The following ARHGAP18 variants were observed in gnomAD, a reference collection of about 807,000 sequenced individuals.
ARHGAP18 encodes the protein Rho GTPase activating protein 18, also known as rho GTPase-activating protein 18.
In ARHGAP18, 67 loss-of-function variants were observed where a neutral mutation model predicts 86.2. The ratio of observed to expected loss-of-function variants is 0.78; its 90% CI spans 0.64 to 0.95. The LOEUF (loss-of-function observed/expected upper bound fraction) is 0.95, where lower values mean the gene tolerates loss of function less well. ARHGAP18 is among the 40% of genes least tolerant of loss of function. ARHGAP18 has a pLI of 0.00. For synonymous variants in ARHGAP18, 283 were observed against 280.4 expected (o/e 1.01, Z -0.09); for missense variants, 691 against 780.4 (o/e 0.89, Z 1.37).
chr6:129,696,742 C>A (rs899802436), intron 1 of ARHGAP18, among the ~76,000 whole-genome samples: 1 of 152,064 alleles, frequency 6.6e-6, no homozygotes, highest in East Asian at 1.9e-4. Flanking sequence ...ATAGGATACG[C>A]ATTTATATAC....
intron 1 of ARHGAP18, among the ~76,000 whole-genome samples, chr6:129,694,900 C>T (rs185573824): frequency 1.3e-5 from 2 of 152,214 alleles, no homozygotes; most frequent in African/African-American, 4.8e-5. Flanking sequence ...AATACATTCA[C>T]CAAGGTGGAG....
chr6:129,610,641 C>A (rs997377707), intron 8 of ARHGAP18, among the ~76,000 whole-genome samples: 2 of 149,948 alleles, frequency 1.3e-5, no homozygotes, highest in African/African-American at 2.5e-5. Flanking sequence ...TTTTTTTTTT[C>A]TTTTGAGACG....
intron 7 of ARHGAP18, among the ~76,000 whole-genome samples, chr6:129,615,183 G>C (rs1789069265): frequency 6.6e-6 from 1 of 152,202 alleles, no homozygotes; most frequent in South Asian, 2.1e-4. Flanking sequence ...AATTGCAACT[G>C]CTACTGACAG....
chr6:129,641,678 G>A (rs942427634), intron 2 of ARHGAP18, 138 bp downstream of exon 2: 20 of 776,060 alleles, frequency 2.6e-5, no homozygotes, highest in Middle Eastern at 3.8e-4. Flanking sequence ...CCTCAAACAA[G>A]TATTTTTCAA....
rs375145286 is a variant in ARHGAP18 at position 129,638,368 on chromosome 6, C to T, written c.552+26G>A. 30 of 1,594,288 alleles carry T rather than the reference C, an allele frequency of 1.9e-5. No individual in the cohort carries two copies. The African/African-American group carries it at 3.5e-4, about 19-fold the overall frequency. ...TTAATTGTAAGCAATTATTCCTTTG[C>T]CTTAACATCAAAAAAGAAAACCTAC... On this transcript the variant is annotated intron_variant, in intron 3 of 14. Transcript: ENST00000368149.
At chr6:129,654,062 A>C (rs1379978111) in intron 1 of ARHGAP18, among the ~76,000 whole-genome samples, 3 of 151,914 alleles carry the variant, frequency 2.0e-5, no homozygotes, top group African/African-American at 2.4e-5. Flanking sequence ...ACACACACAC[A>C]CCTCACAAAA....
At chr6:129,703,602 A>G (rs1774753593) in intron 1 of ARHGAP18, among the ~76,000 whole-genome samples, 1 of 152,272 alleles carries the variant, frequency 6.6e-6, no homozygotes, top group Non-Finnish European at 1.5e-5. Flanking sequence ...TAATAGGCCC[A>G]CAAAAATCAC....
At chr6:129,615,418 G>A (rs561194812) in intron 7 of ARHGAP18, among the ~76,000 whole-genome samples, 20 of 152,296 alleles carry the variant, frequency 1.3e-4, no homozygotes, top group South Asian at 8.3e-4. Context: ...TAGGTAAGAC[G>A]GAATTAATTG....
chr6:129,590,447 T>G (rs1353296158), intron 12 of ARHGAP18, among the ~76,000 whole-genome samples: 1 of 152,170 alleles, frequency 6.6e-6, no homozygotes, highest in Non-Finnish European at 1.5e-5. Flanking sequence ...TTCACGTATA[T>G]GTGTAATGTT....
Position 129,641,852 on chromosome 6 carries a change from C to A in ARHGAP18, c.280G>T (p.Glu94Ter), listed in dbSNP as rs1260686659. The A allele has an allele frequency of 6.2e-7, 1 of 1,613,774 alleles. No homozygotes were observed. The highest frequency in any genetic ancestry group is 1.3e-5 in the African/African-American group (1 of 74,872). ...NIKKSSENSQ[E>*]DQEVVVVKEP... ...TTGACAACAACCACCTCTTGATCTT[C>A]TTGGCTGTTTTCACTAGATTTCTTG... is the stretch of plus-strand genomic sequence containing the variant. Residue 94 changes from glutamate to a stop codon, truncating the protein, a stop_gained, in exon 2 of 15, where the codon GAA becomes TAA. Transcript: ENST00000368149. LOFTEE classifies it high-confidence loss of function.
intron 1 of ARHGAP18, among the ~76,000 whole-genome samples, chr6:129,696,802 A>T (rs1584119982): frequency 6.6e-6 from 1 of 152,230 alleles, no homozygotes; most frequent in African/African-American, 2.4e-5. Flanking sequence ...TCTGTATAAG[A>T]GAAGCAAGCA....
intron 1 of ARHGAP18, among the ~76,000 whole-genome samples, chr6:129,644,510 T>C (rs536061617): frequency 6.6e-6 from 1 of 152,320 alleles, no homozygotes; most frequent in South Asian, 2.1e-4. Context: ...ATTTTTCGTA[T>C]TGCATGTCAA....
chr6:129,675,494 G>C (rs779977950), intron 1 of ARHGAP18, among the ~76,000 whole-genome samples: 1 of 152,126 alleles, frequency 6.6e-6, no homozygotes, highest in African/African-American at 2.4e-5. Flanking sequence ...CAAGGTGTGG[G>C]CGGGTGTTGG....
chr6:129,706,557 A>G (rs1273758158), intron 1 of ARHGAP18, among the ~76,000 whole-genome samples: 1 of 152,226 alleles, frequency 6.6e-6, no homozygotes, highest in South Asian at 2.1e-4. Context: ...TTAATTCCCT[A>G]CTATCTCAGC....
chr6:129,636,746 C>T (rs1031595705), intron 3 of ARHGAP18, among the ~76,000 whole-genome samples: 3 of 152,134 alleles, frequency 2.0e-5, no homozygotes, highest in East Asian at 3.9e-4. Flanking sequence ...GGCATGGTGG[C>T]GTGCGCCTGT....
chr6:129,670,921 C>T (rs776228994), intron 1 of ARHGAP18, among the ~76,000 whole-genome samples: 2 of 152,170 alleles, frequency 1.3e-5, no homozygotes, highest in Admixed American at 6.5e-5. Context: ...AATTCCCAAT[C>T]TGATGTCAGT....
At chr6:129,597,127 A>T (rs550964614) in intron 12 of ARHGAP18, among the ~76,000 whole-genome samples, 70 of 151,570 alleles carry the variant, frequency 4.6e-4, no homozygotes, top group South Asian at 1.5e-3. Context: ...TTTTTTTTTT[A>T]AATTTTGGCT....
At chr6:129,604,202 T>TCC (rs58339587) in intron 10 of ARHGAP18, among the ~76,000 whole-genome samples, 15 of 146,716 alleles carry the variant, frequency 1.0e-4, no homozygotes, top group South Asian at 2.2e-4. Context: ...AAAATAGTAC[T>TCC]CCCCCCCCCC....
At chr6:129,658,541 G>A (rs1773887118) in intron 1 of ARHGAP18, among the ~76,000 whole-genome samples, 1 of 152,160 alleles carries the variant, frequency 6.6e-6, no homozygotes, top group African/African-American at 2.4e-5. Flanking sequence ...CAAAATTAGT[G>A]AGAAACTGTG....
Sources: allele counts gnomAD v4.1 joint callset (sites outside exome capture counted in the v4.1 genomes callset), GRCh38; gene constraint gnomAD v4.1.1; transcripts MANE v1.5; gene names NCBI Gene and HGNC (gene_info 2026-07-23, HGNC 2026-07-21).